TBC1D9: variants seen among roughly 807,000 people sequenced by gnomAD.
The protein encoded by TBC1D9 is TBC1 domain family member 9.
TBC1D9 carries 63 observed loss-of-function variants against 132.0 expected under a neutral mutation model. The ratio of observed to expected loss-of-function variants is 0.48; its 90% CI spans 0.39 to 0.59. The LOEUF (loss-of-function observed/expected upper bound fraction) is 0.59, where lower values mean the gene tolerates loss of function less well. Among genes scored for constraint, TBC1D9 ranks in the 20% least tolerant of loss-of-function variants. The pLI is 0.00. For synonymous variants in TBC1D9, 610 were observed against 609.9 expected, an observed-to-expected ratio of 1.00 and a Z score of 0.00; for missense variants, 1,261 against 1,592.7, an observed-to-expected ratio of 0.79 and a Z score of 3.54.
At chr4:140,639,642 A>C (rs538885603) in intron 13 of TBC1D9, among the ~76,000 whole-genome samples, 3 of 152,356 alleles carry the variant, frequency 2.0e-5, no homozygotes, top group South Asian at 2.1e-4. Context: ...AGCTGAATTA[A>C]ATTTCAGAGT....
At position 140,662,179 on chromosome 4, in the gene TBC1D9, T is replaced by C. The variant is rs893804381; in HGVS notation, c.1589-72A>G. 1.0e-5 allele frequency: 12 copies of C among 1,175,298 alleles called. No individual in the cohort carries two copies. The African/African-American group carries it at 1.8e-4, about 18-fold the overall frequency. 72.8% of individuals were successfully genotyped at this position (1,175,298 alleles called of 1,614,324 possible). On this transcript the variant is annotated intron_variant, in intron 9 of 20. Transcript: ENST00000442267. ...CCTTTTGGTTTGCAACTACAGCTTA[T>C]GATTGAACTGCTTTACTTTCCTACC...
chr4:140,679,129 T>G lies in TBC1D9; in HGVS notation c.664A>C (p.Lys222Gln). The change falls in exon 5 of 21, where the codon AAA becomes CAA. Residue 222 changes from lysine (K) to glutamine (Q), a missense_variant. Lys to Gln is a moderately conservative substitution (Grantham distance 53). Coordinates refer to ENST00000442267, the MANE Select transcript of TBC1D9 (RefSeq NM_015130.3). ...TGCTCACTGGACCGTGTGCTCACTT[T>G]GATCACATCAGGCAGAAGCAGGGTG... ...NATLLLPDVI[K>Q]VSTRSSEHFF... 6.2e-7 allele frequency: 1 copy of G among 1,613,942 alleles called. No homozygotes were observed. The highest frequency in any genetic ancestry group is 8.5e-7 in the Non-Finnish European group (1 of 1,179,844).
At chr4:140,691,349 CTCT>C (rs1737876222) in intron 2 of TBC1D9, among the ~76,000 whole-genome samples, 1 of 152,210 alleles carries the variant, frequency 6.6e-6, no homozygotes, top group African/African-American at 2.4e-5. Flanking sequence ...TTATAAATGG[CTCT>C]TCCATTTCTC....
At chr4:140,676,267 G>A (rs566310716) in intron 6 of TBC1D9, among the ~76,000 whole-genome samples, 45 of 152,352 alleles carry the variant, frequency 3.0e-4, no homozygotes, top group African/African-American at 7.9e-4. Flanking sequence ...CGCGTGGCAT[G>A]CCCTTGCCTT....
Position 140,624,392 on chromosome 4 carries a change from C to T in TBC1D9, c.2900-4G>A. The T allele has an allele frequency of 1.9e-6, 3 of 1,611,062 alleles. No homozygotes were observed. Among genetic ancestry groups the T allele is most frequent in the African/African-American group, 2.7e-5 (2 of 74,302 alleles). On this transcript the variant is annotated splice_polypyrimidine_tract_variant and splice_region_variant and intron_variant, in intron 18 of 20. Transcript: ENST00000442267. ...CTTCTGCTATCCAATCCAACAACTA[C>T]CAAGAAATGGTTCAGAAGAAAAAAG...
chr4:140,659,319 T>C, intron 11 of TBC1D9: 1 of 267,942 alleles, frequency 3.7e-6, no homozygotes, highest in Non-Finnish European at 7.0e-6. Context: ...CTGGTGTAGC[T>C]CTCACATGTC....
At position 140,676,891 on chromosome 4, in the gene TBC1D9, T is replaced by C; in HGVS notation, c.1059+3A>G. 6.2e-7 allele frequency: 1 copy of C among 1,613,776 alleles called. No individual in the cohort carries two copies. Among genetic ancestry groups the C allele is most frequent in the Non-Finnish European group, 8.5e-7 (1 of 1,179,776 alleles). On this transcript the variant is annotated splice_donor_region_variant and intron_variant, in intron 6 of 20. Transcript: ENST00000442267. ...AAAATATCAATTTTTATCAGATACT[T>C]ACCTCACGGAGCGGGATAATGAGGC...
At chr4:140,639,049 C>T (rs1421005238) in intron 15 of TBC1D9, 37 bp downstream of exon 15, 1 of 1,466,808 alleles carries the variant, frequency 6.8e-7, no homozygotes, top group Non-Finnish European at 9.3e-7. Context: ...AACTCCTTTA[C>T]TCCTTTGAAT....
At chr4:140,678,820 T>C (rs1737663067) in intron 5 of TBC1D9, 122 bp downstream of exon 5, 1 of 1,229,186 alleles carries the variant, frequency 8.1e-7, no homozygotes, top group African/African-American at 1.5e-5. Flanking sequence ...TTTAGTTTTG[T>C]ATCTATACAC....
chr4:140,732,270 C>T (rs564164642), intron 1 of TBC1D9, among the ~76,000 whole-genome samples: 3 of 152,110 alleles, frequency 2.0e-5, no homozygotes, highest in African/African-American at 4.8e-5. Context: ...TTAATCTTCT[C>T]CAGTTGACCT....
At chr4:140,752,360 T>TA (rs5862498) in intron 1 of TBC1D9, among the ~76,000 whole-genome samples, 120 of 149,636 alleles carry the variant, frequency 8.0e-4, no homozygotes, top group African/African-American at 2.6e-3. Flanking sequence ...ATTTCTTGCT[T>TA]AAAAAAAAAA....
intron 2 of TBC1D9, among the ~76,000 whole-genome samples, chr4:140,688,511 T>C (rs749398976): frequency 6.6e-6 from 1 of 151,924 alleles, no homozygotes; most frequent in Non-Finnish European, 1.5e-5. Context: ...TACAAAAAAA[T>C]TAAAAAATTA....
intron 3 of TBC1D9, among the ~76,000 whole-genome samples, chr4:140,682,587 AT>A (rs950829259): frequency 9.8e-5 from 15 of 152,348 alleles, no homozygotes; most frequent in African/African-American, 3.4e-4. Context: ...GGATCAAAAA[AT>A]ATCTATGAAT....
rs183098283 is a variant in TBC1D9 at position 140,723,878 on chromosome 4, G to T, written c.131-22264C>A. ...CCACCTCAGCCTCCTGAGTAGCTTG[G>T]ACTACAGGCGTGAACCACCATGCCT... On this transcript the variant is annotated intron_variant, in intron 1 of 20. Coordinates refer to ENST00000442267, the MANE Select transcript of TBC1D9 (RefSeq NM_015130.3). Among the ~76,000 whole-genome samples, 87 of 151,918 alleles carry T rather than the reference G, an allele frequency of 5.7e-4. 1 individual carries two copies. In the East Asian group the frequency reaches 0.016, roughly 28 times the overall value.
chr4:140,703,346 C>T (rs1419708362), intron 1 of TBC1D9, among the ~76,000 whole-genome samples: 1 of 152,118 alleles, frequency 6.6e-6, no homozygotes, highest in African/African-American at 2.4e-5. Flanking sequence ...TCTGGCCATA[C>T]CAAATAAGAC....
chr4:140,664,969 T>C (rs1300585752), intron 9 of TBC1D9, among the ~76,000 whole-genome samples: 1 of 152,000 alleles, frequency 6.6e-6, no homozygotes, highest in African/African-American at 2.4e-5. Flanking sequence ...TAGCCAGGCG[T>C]GGTGGTGCAC....
chr4:140,744,187 G>T (rs1444985542), intron 1 of TBC1D9, among the ~76,000 whole-genome samples: 1 of 152,044 alleles, frequency 6.6e-6, no homozygotes, highest in African/African-American at 2.4e-5. Context: ...TTTCCTGTCA[G>T]CAGCATTTTC....
At chr4:140,724,191 G>A (rs1216916651) in intron 1 of TBC1D9, among the ~76,000 whole-genome samples, 2 of 152,190 alleles carry the variant, frequency 1.3e-5, no homozygotes, top group Non-Finnish European at 2.9e-5. Flanking sequence ...CCATGGCACA[G>A]TGTCCCGGAC....
chr4:140,743,420 T>C lies in TBC1D9; in HGVS notation c.130+12496A>G, dbSNP rs1456079397. 2.0e-5 allele frequency among the ~76,000 whole-genome samples: 3 copies of C among 152,200 alleles called. No homozygotes were observed. In the East Asian group the frequency reaches 5.8e-4, roughly 29 times the overall value. On this transcript the variant is annotated intron_variant, in intron 1 of 20. Transcript: ENST00000442267. ...AAACGTTATTAAGCCACATTTTAAA[T>C]AAGGGAATTAAGCTCAGAGAGGAAG...
Sources: allele counts gnomAD v4.1 joint callset (sites outside exome capture counted in the v4.1 genomes callset), GRCh38; gene constraint gnomAD v4.1.1; transcripts MANE v1.5; gene names NCBI Gene and HGNC (gene_info 2026-07-23, HGNC 2026-07-21).